ISM2: variants seen among roughly 807,000 people sequenced by gnomAD.
The protein encoded by ISM2 is isthmin 2, also known as isthmin-2.
ISM2 carries 50 observed loss-of-function variants against 58.0 expected under a neutral mutation model. That is an observed-to-expected ratio of 0.86 (90% CI 0.69 to 1.09). The LOEUF (loss-of-function observed/expected upper bound fraction) is 1.09. Among genes scored for constraint, ISM2 ranks in the 50% least tolerant of loss-of-function variants. The pLI, the probability that ISM2 is intolerant of heterozygous loss-of-function variation, is 0.00. For missense variants in ISM2, 723 were observed against 745.0 expected (o/e 0.97, Z 0.34); for synonymous variants, 303 against 312.4 (o/e 0.97, Z 0.32).
In ISM2 at chr14:77,484,652, CTGCTGGCCCTTCTGTAGCTCTCA is replaced by C. The variant is rs2079155650; in HGVS notation, c.384+2_384+24del. On this transcript the variant is annotated splice_donor_variant and splice_donor_5th_base_variant and intron_variant, in intron 2 of 6. Coordinates refer to ENST00000342219, the MANE Select transcript of ISM2 (RefSeq NM_199296.3). LOFTEE classifies it high-confidence loss of function. ...AAGGCTGGCCAGGCAGAGCCAGGAG[CTGCTGGCCCTTCTGTAGCTCTCA>C]CCTGGGTATCAGGGTTAGGGGTACT... 1 of 1,611,768 alleles carries C rather than the reference CTGCTGGCCCTTCTGTAGCTCTCA, an allele frequency of 6.2e-7. No homozygotes were observed. Among genetic ancestry groups the C allele is most frequent in the African/African-American group, 1.3e-5 (1 of 74,148 alleles).
At position 77,498,637 on chromosome 14, in the gene ISM2, T is replaced by G; in HGVS notation, c.141+16A>C. The G allele has an allele frequency of 6.9e-7, 1 of 1,441,532 alleles. No individual in the cohort carries two copies. Among genetic ancestry groups the G allele is most frequent in the Non-Finnish European group, 9.1e-7 (1 of 1,103,222 alleles). 89.3% of individuals were successfully genotyped at this position (1,441,532 alleles called of 1,614,324 possible). On this transcript the variant is annotated intron_variant, in intron 1 of 6. Transcript: ENST00000342219. Reference sequence around the variant, plus strand: ...ACCGACAGCGCGCTCCGCAGCCCGGTGCCGCCGCCACTCACCTCTGCGAGC... The same window carrying G: ...ACCGACAGCGCGCTCCGCAGCCCGGGGCCGCCGCCACTCACCTCTGCGAGC...
chr14:77,486,164 C>T (rs1237959967), intron 1 of ISM2, among the ~76,000 whole-genome samples: 1 of 152,244 alleles, frequency 6.6e-6, no homozygotes, highest in East Asian at 1.9e-4. Flanking sequence ...TTAAACCAGG[C>T]AGTCTGGGCC....
chr14:77,498,538 T>G, intron 1 of ISM2, 115 bp downstream of exon 1: 1 of 1,369,090 alleles, frequency 7.3e-7, no homozygotes, highest in Middle Eastern at 2.1e-4. Context: ...CCTCTCTCCA[T>G]CGGGGGGTCG....
At position 77,475,893 on chromosome 14, in the gene ISM2, C is replaced by G. The variant is rs566061192; in HGVS notation, c.1418G>C (p.Arg473Pro). The G allele has an allele frequency of 1.9e-6, 3 of 1,603,830 alleles. No homozygotes were observed. Among genetic ancestry groups the G allele is most frequent in the Non-Finnish European group, 1.7e-6 (2 of 1,179,878 alleles). Residue 473 changes from arginine (R) to proline (P), a missense_variant, in exon 7 of 7, where the codon CGC (arginine) becomes CCC (proline). Physicochemically the swap from Arg to Pro is moderately radical, Grantham distance 103. Transcript: ENST00000342219. This position sits in a 1 kb window ranked among gnomAD's most constrained non-coding sequence, Gnocchi z 4.1. ...AGACAGCATGGAACGCAGGCAGAAGCGCGCCGTGGGCTGGTAGATGTCCAG... is the reference window on the plus strand; with the variant it reads ...AGACAGCATGGAACGCAGGCAGAAGGGCGCCGTGGGCTGGTAGATGTCCAG... ...ERLDIYQPTA[R>P]FCLRSMLSGE...
intron 1 of ISM2, 104 bp from the exon 2 acceptor site, chr14:77,485,023 G>T: frequency 8.4e-7 from 1 of 1,187,108 alleles, no homozygotes; most frequent in Non-Finnish European, 1.2e-6. Flanking sequence ...GTCTGACCGG[G>T]TCATAAACTC....
chr14:77,498,643 C>A lies in ISM2; in HGVS notation c.141+10G>T. The A allele has an allele frequency of 6.9e-7, 1 of 1,447,234 alleles. No homozygotes were observed. The highest frequency in any genetic ancestry group is 9.0e-7 in the Non-Finnish European group (1 of 1,105,852). The allele number at this position is 1,447,234 out of a possible 1,614,324, so 89.6% of individuals were successfully genotyped here. On this transcript the variant is annotated intron_variant, in intron 1 of 6. Transcript: ENST00000342219. Reference sequence around the variant, plus strand: ...AGCGCGCTCCGCAGCCCGGTGCCGCCGCCACTCACCTCTGCGAGCCTCGTG... The same window carrying A: ...AGCGCGCTCCGCAGCCCGGTGCCGCAGCCACTCACCTCTGCGAGCCTCGTG...
chr14:77,487,564 C>T (rs1021526319), intron 1 of ISM2, among the ~76,000 whole-genome samples: 2 of 152,224 alleles, frequency 1.3e-5, no homozygotes, highest in Non-Finnish European at 2.9e-5. Context: ...CCAAGTGTCA[C>T]AGCCACACGT....
rs770044464 is a variant in ISM2 at position 77,478,741 on chromosome 14, T to A, written c.974-26A>T. The A allele has an allele frequency of 3.8e-6, 6 of 1,599,964 alleles. No individual in the cohort carries two copies. The African/African-American group carries it at 8.1e-5, about 21-fold the overall frequency. The stretch of plus-strand genomic sequence containing the variant: ...CTGGGTTAAGACAGGGAGTTGGGGG[T>A]GAGTGCATATAGCTCACAGGGCAAA... On this transcript the variant is annotated intron_variant, in intron 4 of 6. Transcript: ENST00000342219.
chr14:77,477,567 C>T (rs2079105968), intron 6 of ISM2, among the ~76,000 whole-genome samples: 1 of 152,210 alleles, frequency 6.6e-6, no homozygotes, highest in African/African-American at 2.4e-5. Flanking sequence ...GCCTTCTTTG[C>T]AGTGCAGTGC....
intron 1 of ISM2, among the ~76,000 whole-genome samples, chr14:77,494,872 T>G (rs2079228994): frequency 6.6e-6 from 1 of 151,494 alleles, no homozygotes; most frequent in South Asian, 2.1e-4. Context: ...CTCTCTCAGC[T>G]CTCTTTTTTC....
intron 3 of ISM2, chr14:77,484,046 T>C (rs1247754854): frequency 2.3e-5 from 8 of 340,684 alleles, no homozygotes; most frequent in East Asian, 5.7e-5. Flanking sequence ...GGTGCTCACA[T>C]AGCCCTGCTG....
In ISM2 at chr14:77,484,157, C is replaced by A. The variant is rs985148535; in HGVS notation, c.627+166G>T. Reference sequence around the variant, plus strand: ...CAGCTAGAAAGTAGAGGGGCAGGTCCTCTGCCCCCTACACCACAGGGAGAG... The same window carrying A: ...CAGCTAGAAAGTAGAGGGGCAGGTCATCTGCCCCCTACACCACAGGGAGAG... On this transcript the variant is annotated intron_variant, in intron 3 of 6. Coordinates refer to ENST00000342219, the MANE Select transcript of ISM2 (RefSeq NM_199296.3). 18 of 841,904 alleles carry A rather than the reference C, an allele frequency of 2.1e-5. No homozygotes were observed. The African/African-American group carries it at 2.4e-4, about 11-fold the overall frequency. 52.2% of individuals were successfully genotyped at this position (841,904 alleles called of 1,614,324 possible).
Position 77,476,269 on chromosome 14 carries a change from T to C in ISM2, c.1199-157A>G, listed in dbSNP as rs146921489. Among the ~76,000 whole-genome samples, 401 of 152,326 alleles carry C rather than the reference T, an allele frequency of 2.6e-3. 2 individuals are homozygous for C. Among genetic ancestry groups the C allele is most frequent in the African/African-American group, 7.7e-3 (319 of 41,584 alleles). On this transcript the variant is annotated intron_variant, in intron 6 of 6. Transcript: ENST00000342219. ...TAGGGCCTTGGGGATGGAGAGAGGCTACCCCACACCATCCAGACAACCTGA... is the reference window on the plus strand; with the variant it reads ...TAGGGCCTTGGGGATGGAGAGAGGCCACCCCACACCATCCAGACAACCTGA...
chr14:77,487,746 G>A (rs1231855259), intron 1 of ISM2, among the ~76,000 whole-genome samples: 1 of 152,178 alleles, frequency 6.6e-6, no homozygotes, highest in Non-Finnish European at 1.5e-5. Flanking sequence ...CTGGGAGGTG[G>A]CCCCAGGAGA....
chr14:77,483,386 C>T (rs1229861763), intron 3 of ISM2, among the ~76,000 whole-genome samples: 2 of 152,024 alleles, frequency 1.3e-5, no homozygotes, highest in East Asian at 1.9e-4. Context: ...GGTGAAACCC[C>T]GTCTCTACTA....
intron 6 of ISM2, 151 bp from the exon 7 acceptor site, chr14:77,476,263 A>T: frequency 2.6e-6 from 2 of 774,926 alleles, no homozygotes; most frequent in Non-Finnish European, 2.0e-6. Flanking sequence ...GGGGATGGAG[A>T]GAGGCTACCC....
rs2079091262 is a variant in ISM2, at chr14:77,475,557, T to C, written c.*38A>G. The C allele has an allele frequency of 2.6e-6, 4 of 1,512,310 alleles. No individual in the cohort carries two copies. The highest frequency in any genetic ancestry group is 2.7e-6 in the Non-Finnish European group (3 of 1,128,734). The allele number at this position is 1,512,310 out of a possible 1,614,324, so 93.7% of individuals were successfully genotyped here. A position where few individuals can be genotyped will look rare whatever the true frequency, so the allele number is the denominator to read the frequency against. On this transcript the variant is annotated 3_prime_UTR_variant, in exon 7 of 7. Transcript: ENST00000342219. The surrounding 1 kb of genome is among the most constrained non-coding windows in gnomAD (Gnocchi z 4.1). ...CTCCCGTGCAACAGCAGCAGCCGCC[T>C]GCCCTCTCCCTGCAGTGTCTGTTCA... is the stretch of plus-strand genomic sequence containing the variant.
chr14:77,483,072 G>A (rs1448264302), intron 3 of ISM2, among the ~76,000 whole-genome samples: 1 of 152,208 alleles, frequency 6.6e-6, no homozygotes, highest in Non-Finnish European at 1.5e-5. Flanking sequence ...GGTAGGGCTG[G>A]AAGCTGAGTG....
In ISM2 at chr14:77,482,566, G is replaced by A. The variant is rs771705815; in HGVS notation, c.729C>T (p.Pro243=). ...CTCCCCAGAGGAAGGACCAGAGGGCGGGCAGCCAGCTAAGGGTATCCTGGG... is the reference window on the plus strand; with the variant it reads ...CTCCCCAGAGGAAGGACCAGAGGGCAGGCAGCCAGCTAAGGGTATCCTGGG... ...PPPQDTLSWL[P]ALWSFLWGDY... is the part of the protein sequence containing the mutation. Residue 243 remains proline, a synonymous_variant, in exon 4 of 7, where the codon CCC becomes CCT. Transcript: ENST00000342219. The A allele has an allele frequency of 3.0e-5, 48 of 1,613,720 alleles. No individual in the cohort carries two copies. Among genetic ancestry groups the A allele is most frequent in the African/African-American group, 6.7e-5 (5 of 74,900 alleles).
Sources: gnomAD v4.1 joint callset for allele counts (sites outside exome capture counted in the v4.1 genomes callset) on GRCh38, gnomAD v4.1.1 for gene constraint, Gnocchi (gnomAD v3.1) non-coding constraint, MANE v1.5 for transcripts, NCBI Gene and HGNC (gene_info 2026-07-23, HGNC 2026-07-21) for gene names.